CADPS: variants seen among roughly 807,000 people sequenced by gnomAD.
The protein encoded by CADPS is calcium-dependent secretion activator 1.
CADPS carries 57 observed loss-of-function variants against 167.3 expected under a neutral mutation model. The observed-to-expected ratio is 0.34, with a 90% CI of 0.28 to 0.42. The LOEUF is 0.42. Among genes scored for constraint, CADPS ranks in the 20% least tolerant of loss-of-function variants. CADPS has a pLI of 1.00. For missense variants in CADPS, 1,414 were observed against 1,738.1 expected (o/e 0.81, Z 3.32); for synonymous variants, 676 against 635.3 (o/e 1.06, Z -0.96).
chr3:62,635,395 A>C (rs1346227518), intron 6 of CADPS, among the ~76,000 whole-genome samples: 6 of 152,110 alleles, frequency 3.9e-5, no homozygotes. Flanking sequence ...CCCTCTTTTC[A>C]TTCCTTCCCT....
intron 26 of CADPS, 61 bp from the exon 27 acceptor site, chr3:62,445,858 C>A: frequency 8.3e-7 from 1 of 1,200,248 alleles, no homozygotes; most frequent in South Asian, 2.1e-5. Context: ...GTTCACTGCT[C>A]AATGCTGTAT....
chr3:62,840,316 C>T (rs1015115005), intron 1 of CADPS, among the ~76,000 whole-genome samples: 3 of 151,958 alleles, frequency 2.0e-5, no homozygotes, highest in East Asian at 1.9e-4. Context: ...TATACAAATC[C>T]GACATCATAC....
intron 1 of CADPS, among the ~76,000 whole-genome samples, chr3:62,824,332 A>T (rs6807858): frequency 0.29 from 44,650 of 152,022 alleles, 7,539 homozygotes; most frequent in Middle Eastern, 0.46. Context: ...GAGTCAATTA[A>T]ACTTTGTGGC....
At chr3:62,599,724 T>A (rs150271598) in intron 6 of CADPS, among the ~76,000 whole-genome samples, 2 of 17,948 alleles carry the variant, frequency 1.1e-4, no homozygotes, top group Non-Finnish European at 2.0e-4. Flanking sequence ...ATATAATATA[T>A]ATAGTATATA....
At chr3:62,783,317 T>A (rs1411288718) in intron 1 of CADPS, among the ~76,000 whole-genome samples, 1 of 152,118 alleles carries the variant, frequency 6.6e-6, no homozygotes, top group Non-Finnish European at 1.5e-5. Flanking sequence ...GAACTGCTAT[T>A]GTTTCCTTCT....
At chr3:62,490,316 A>C (rs528852308) in intron 21 of CADPS, among the ~76,000 whole-genome samples, 24 of 152,264 alleles carry the variant, frequency 1.6e-4, no homozygotes, top group African/African-American at 4.6e-4. Context: ...AAAAGAAAGA[A>C]AGAAAGAAAG....
chr3:62,528,913 C>G (rs539608534), intron 13 of CADPS, among the ~76,000 whole-genome samples: 1 of 152,288 alleles, frequency 6.6e-6, no homozygotes, highest in East Asian at 1.9e-4. Context: ...AATCCCAGCA[C>G]TTTAGGAGGC....
rs140636072 is a variant in CADPS, at chr3:62,581,125, T to C, written c.1577+4060A>G. ...TTAACTGGTGTAAAGAAGAAGTTTCTTGCATTTCTAGTTGTTATAGTTAGT... is the reference window on the plus strand; with the variant it reads ...TTAACTGGTGTAAAGAAGAAGTTTCCTGCATTTCTAGTTGTTATAGTTAGT... On this transcript the variant is annotated intron_variant, in intron 8 of 29. Transcript: ENST00000383710. Among the ~76,000 whole-genome samples the C allele has an allele frequency of 5.1e-3, 774 of 152,300 alleles. 2 individuals carry two copies. The highest frequency in any genetic ancestry group is 9.2e-3 in the Admixed American group (141 of 15,300).
chr3:62,419,463 C>T (rs952799830), intron 28 of CADPS, among the ~76,000 whole-genome samples: 1 of 152,184 alleles, frequency 6.6e-6, no homozygotes. Context: ...TCTGAATTTG[C>T]ACTTTCAAGT....
chr3:62,779,370 T>A, intron 1 of CADPS: 1 of 450,590 alleles, frequency 2.2e-6, no homozygotes, highest in South Asian at 2.0e-5. Context: ...TAGCAGGTGC[T>A]TTTTTGGGAG....
At chr3:62,639,764 C>T (rs116078600) in intron 6 of CADPS, among the ~76,000 whole-genome samples, 68 of 152,244 alleles carry the variant, frequency 4.5e-4, no homozygotes, top group African/African-American at 1.4e-3. Flanking sequence ...CCCCTAAGAC[C>T]TGTAAGTTGT....
intron 3 of CADPS, among the ~76,000 whole-genome samples, chr3:62,681,801 T>G (rs137903224): frequency 4.5e-4 from 68 of 152,158 alleles, no homozygotes; most frequent in Middle Eastern, 3.4e-3. Context: ...CACATCTACA[T>G]CATCCCCAAG....
In CADPS at chr3:62,589,001, G is replaced by GCA. The variant is rs2085312263; in HGVS notation, c.1437+3635_1437+3636insTG. Among the ~76,000 whole-genome samples the GCA allele has an allele frequency of 3.3e-5, 5 of 152,146 alleles. No homozygotes were observed. In the South Asian group the frequency reaches 1.0e-3, roughly 32 times the overall value. ...AATCTTTCTCTGGGAAGGGATACGAGGGTGAGATAGAAGAGAAAAATTAAT... is the reference window on the plus strand; with the variant it reads ...AATCTTTCTCTGGGAAGGGATACGAGCAGGTGAGATAGAAGAGAAAAATTAAT... On this transcript the variant is annotated intron_variant, in intron 7 of 29. Coordinates refer to ENST00000383710, the MANE Select transcript of CADPS (RefSeq NM_003716.4).
At chr3:62,448,930 T>C (rs899876244) in intron 26 of CADPS, among the ~76,000 whole-genome samples, 2 of 152,168 alleles carry the variant, frequency 1.3e-5, no homozygotes, top group Admixed American at 1.3e-4. Flanking sequence ...TATTGAACTT[T>C]AAGAAGGACA....
chr3:62,536,611 C>T, intron 11 of CADPS, 30 bp from the exon 12 acceptor site: 1 of 1,603,502 alleles, frequency 6.2e-7, no homozygotes, highest in Non-Finnish European at 8.5e-7. Flanking sequence ...GAGAGAGACA[C>T]AATTTAGAGA....
rs769033190 is a variant in CADPS, at chr3:62,513,733, G to C, written c.2582-965C>G. ...TATAAAAGAGGATTTGGGCATGCAA[G>C]AGGCTTAGGTCAGAGGTAAAGAGGT... On this transcript the variant is annotated intron_variant, in intron 16 of 29. Transcript: ENST00000383710. The C allele has an allele frequency of 1.4e-5, 21 of 1,489,480 alleles. No homozygotes were observed. In the South Asian group the frequency reaches 2.4e-4, roughly 17 times the overall value. The allele number at this position is 1,489,480 out of a possible 1,614,324, so 92.3% of individuals were successfully genotyped here.
intron 18 of CADPS, among the ~76,000 whole-genome samples, chr3:62,496,248 T>G (rs1483429785): frequency 6.6e-6 from 1 of 152,130 alleles, no homozygotes; most frequent in African/African-American, 2.4e-5. Context: ...GGTTGTACAC[T>G]GGAATCACCT....
intron 1 of CADPS, among the ~76,000 whole-genome samples, chr3:62,855,739 G>A (rs1427150593): frequency 1.3e-5 from 2 of 152,054 alleles, no homozygotes; most frequent in African/African-American, 2.4e-5. Context: ...TTGCCTTTAT[G>A]CATGGGTTCG....
intron 6 of CADPS, among the ~76,000 whole-genome samples, chr3:62,611,997 T>C (rs1318349176): frequency 6.6e-6 from 1 of 152,236 alleles, no homozygotes; most frequent in African/African-American, 2.4e-5. Flanking sequence ...TCTTGCTTGC[T>C]TTGTTCTCTG....
Sources: gnomAD v4.1 joint callset for allele counts (sites outside exome capture counted in the v4.1 genomes callset) on GRCh38, gnomAD v4.1.1 for gene constraint, MANE v1.5 for transcripts, NCBI Gene and HGNC (gene_info 2026-07-23, HGNC 2026-07-21) for gene names.